The following KIF1B variants were observed in gnomAD, a reference collection of about 807,000 sequenced individuals.
KIF1B encodes kinesin-like protein KIF1B.
In KIF1B, 76 loss-of-function variants were observed where a neutral mutation model predicts 241.9. The ratio of observed to expected loss-of-function variants is 0.31; its 90% CI spans 0.26 to 0.38. The LOEUF (loss-of-function observed/expected upper bound fraction) is 0.38, where lower values mean the gene tolerates loss of function less well. Ranked by LOEUF, KIF1B falls within the 10% of genes least tolerant of loss-of-function variation. The pLI is 1.00. For missense variants in KIF1B, 1,622 were observed against 2,271.4 expected, an observed-to-expected ratio of 0.71 and a Z score of 5.81; for synonymous variants, 750 against 796.7, an observed-to-expected ratio of 0.94 and a Z score of 0.99.
chr1:10,345,721 A>G (rs1652563506), intron 34 of KIF1B, 124 bp from the exon 35 acceptor site: 1 of 732,722 alleles, frequency 1.4e-6, no homozygotes, highest in Non-Finnish European at 2.5e-6. Flanking sequence ...TTTGCATTGA[A>G]ATCTTTCCTC....
In KIF1B at chr1:10,380,237, A is replaced by C. The variant is rs1638987559; in HGVS notation, c.*3650A>C. 1 of 212,396 alleles carries C rather than the reference A, an allele frequency of 4.7e-6. No homozygotes were observed. Among genetic ancestry groups the C allele is most frequent in the Non-Finnish European group, 9.6e-6 (1 of 104,646 alleles). The allele number at this position is 212,396 out of a possible 1,614,324, so 13.2% of individuals were successfully genotyped here. On this transcript the variant is annotated 3_prime_UTR_variant, in exon 49 of 49. Transcript: ENST00000676179. ...TATTTATCCAGCTATACTTACTTGC[A>C]CAGTGGATTGGAGAGAAAGGATTCT...
intron 18 of KIF1B, 131 bp from the exon 19 acceptor site, chr1:10,295,529 A>T: frequency 1.2e-6 from 1 of 809,060 alleles, no homozygotes; most frequent in Non-Finnish European, 2.1e-6. Context: ...TCATAGTTGA[A>T]AGCTTCTGAT....
chr1:10,374,947 C>T lies in KIF1B; in HGVS notation c.5190C>T (p.Val1730=). Residue 1730 remains valine (V), a synonymous_variant, in exon 47 of 49, where the codon GTC becomes GTT. Coordinates refer to ENST00000676179, the MANE Select transcript of KIF1B (RefSeq NM_001365951.3). This position sits in a 1 kb window ranked among gnomAD's most constrained non-coding sequence, Gnocchi z 4.3. ...KHFVVVRRPY[V]FIYNSDKDPV... is the part of the protein sequence containing the mutation. ...TTGTTGTCGTCCGTCGGCCTTATGT[C>T]TTCATCTATAACAGTGACAAAGACC... 1 of 1,614,088 alleles carries T rather than the reference C, an allele frequency of 6.2e-7. No individual in the cohort carries two copies. The highest frequency in any genetic ancestry group is 2.2e-5 in the East Asian group (1 of 44,880).
rs770024434 is a variant in KIF1B, at chr1:10,282,542, T to G, written c.1434+9T>G. 3 of 1,602,408 alleles carry G rather than the reference T, an allele frequency of 1.9e-6. No homozygotes were observed. Among genetic ancestry groups the G allele is most frequent in the Middle Eastern group, 1.7e-4 (1 of 5,986 alleles). On this transcript the variant is annotated intron_variant, in intron 15 of 48. Transcript: ENST00000676179. ...CTATTGAACGTTTAAAGGTAAGTAA[T>G]AGTTCAGACTGAATACAAGGTATTC...
intron 10 of KIF1B, among the ~76,000 whole-genome samples, chr1:10,273,709 C>CAAAAAAAAAAAAA (rs56349613): frequency 1.0e-4 from 5 of 49,578 alleles, no homozygotes; most frequent in African/African-American, 4.0e-4. Context: ...TCCTCCTCCT[C>CAAAAAAAAAAAAA]AAAAAAAAAA....
intron 37 of KIF1B, among the ~76,000 whole-genome samples, chr1:10,350,871 C>T (rs1249233397): frequency 3.9e-5 from 6 of 151,948 alleles, no homozygotes; most frequent in Non-Finnish European, 8.8e-5. Context: ...CCAAGGCAGG[C>T]GGATCACTTA....
intron 13 of KIF1B, chr1:10,278,895 T>C (rs1250092877): frequency 4.1e-6 from 2 of 487,198 alleles, no homozygotes; most frequent in Admixed American, 3.5e-5. Flanking sequence ...TCTAATAAGA[T>C]TTTCAAGGCC....
intron 47 of KIF1B, 63 bp from the exon 48 acceptor site, chr1:10,375,192 G>T: frequency 6.7e-7 from 1 of 1,487,110 alleles, no homozygotes; most frequent in African/African-American, 1.4e-5. Context: ...TGGGAATATG[G>T]CAAGGCAGTC....
chr1:10,305,024 A>G, intron 22 of KIF1B: 4 of 1,101,132 alleles, frequency 3.6e-6, no homozygotes, highest in Non-Finnish European at 4.4e-6. Context: ...GTTTATGCAG[A>G]CATTCAAAAG....
chr1:10,374,555 C>CTGTA lies in KIF1B; in HGVS notation c.5096+91_5096+94dup. On this transcript the variant is annotated intron_variant, in intron 46 of 48. Transcript: ENST00000676179. The surrounding 1 kb of genome is among the most constrained non-coding windows in gnomAD (Gnocchi z 4.3). Reference sequence around the variant, plus strand: ...CCAGCTCTTCCCTGTGAGGTCTGTACTGTAGTCTGATGCAATCTGTACTGT... The same window carrying CTGTA: ...CCAGCTCTTCCCTGTGAGGTCTGTACTGTATGTAGTCTGATGCAATCTGTACTGT... 1 of 1,427,092 alleles carries CTGTA rather than the reference C, an allele frequency of 7.0e-7. No homozygotes were observed. The highest frequency in any genetic ancestry group is 9.9e-7 in the Non-Finnish European group (1 of 1,015,030). 88.4% of individuals were successfully genotyped at this position (1,427,092 alleles called of 1,614,324 possible).
intron 16 of KIF1B, 26 bp downstream of exon 16, chr1:10,291,187 T>A: frequency 1.4e-6 from 2 of 1,420,204 alleles, no homozygotes; most frequent in Non-Finnish European, 2.0e-6. Flanking sequence ...TCTGGAAATG[T>A]TTCTAAGTTT....
At chr1:10,240,721 ATTTTT>A (rs34449939) in intron 2 of KIF1B, among the ~76,000 whole-genome samples, 2,513 of 110,038 alleles carry the variant, frequency 0.023, 31 homozygotes, top group Non-Finnish European at 0.032. Flanking sequence ...TGGGTAGTTC[ATTTTT>A]TTTTTTTTTT....
intron 43 of KIF1B, among the ~76,000 whole-genome samples, chr1:10,367,963 G>A (rs538880525): frequency 8.1e-4 from 123 of 151,986 alleles, no homozygotes; most frequent in African/African-American, 2.7e-3. Flanking sequence ...TCCTGACCTC[G>A]TGATCCACCT....
rs776242370 is a variant in KIF1B, at chr1:10,321,885, T to C, written c.2358+28T>C. On this transcript the variant is annotated intron_variant, in intron 24 of 48. Transcript: ENST00000676179. ...ATGGAGCAGGAGGACACAGGAGAGC[T>C]GGAGGCAAAGCCGAGCCTGCTGTGG... 1.9e-6 allele frequency: 3 copies of C among 1,613,806 alleles called. No individual in the cohort carries two copies. The Admixed American group carries it at 5.0e-5, about 27-fold the overall frequency.
At chr1:10,317,852 C>A (rs1268209547) in intron 22 of KIF1B, among the ~76,000 whole-genome samples, 1 of 150,502 alleles carries the variant, frequency 6.6e-6, no homozygotes, top group African/African-American at 2.5e-5. Context: ...AATTGCCTGA[C>A]ATTTTGATAT....
intron 45 of KIF1B, among the ~76,000 whole-genome samples, chr1:10,372,661 G>GTGAGCCGAGATTGCGCCGCTGCGCGCC (rs1557744720): frequency 8.3e-6 from 1 of 120,528 alleles, no homozygotes; most frequent in East Asian, 3.0e-4. Context: ...TTGGGTGACA[G>GTGAGCCGAGATTGCGCCGCTGCGCGCC]AGCTGTCACC....
chr1:10,242,588 C>G (rs1647152580), intron 2 of KIF1B, among the ~76,000 whole-genome samples: 1 of 152,110 alleles, frequency 6.6e-6, no homozygotes, highest in African/African-American at 2.4e-5. Context: ...GCAATCTTGG[C>G]TCGCTGCAAC....
rs147210357 is a variant in KIF1B, at chr1:10,234,729, G to T, written c.106+2295G>T. Among the ~76,000 whole-genome samples, 167 of 151,486 alleles carry T rather than the reference G, an allele frequency of 1.1e-3. 3 individuals carry two copies. The East Asian group carries it at 0.029, about 26-fold the overall frequency. On this transcript the variant is annotated intron_variant, in intron 2 of 48. Transcript: ENST00000676179. ...TGTAGAGACGGGGACTCACTATATT[G>T]TGTAGGCTGGTCTTGTATTCCTGGG...
At chr1:10,351,984 C>T (rs1434926497) in intron 37 of KIF1B, among the ~76,000 whole-genome samples, 1 of 149,634 alleles carries the variant, frequency 6.7e-6, no homozygotes, top group African/African-American at 2.5e-5. Flanking sequence ...AAAAAAAAAA[C>T]ACAAAAAAAC....
Sources: allele counts gnomAD v4.1 joint callset (sites outside exome capture counted in the v4.1 genomes callset), GRCh38; gene constraint gnomAD v4.1.1; non-coding constraint Gnocchi (gnomAD v3.1); transcripts MANE v1.5; gene names NCBI Gene and HGNC (gene_info 2026-07-23, HGNC 2026-07-21).